ASPH: variants seen among roughly 807,000 people sequenced by gnomAD.
ASPH encodes the protein aspartate beta-hydroxylase.
In ASPH, 100 loss-of-function variants were observed where a neutral mutation model predicts 118.4. The observed-to-expected ratio is 0.84, with a 90% CI of 0.72 to 1.00. The LOEUF is 1.00. Ranked by LOEUF, ASPH falls within the 50% of genes least tolerant of loss-of-function variation. The pLI is 0.00. For missense variants in ASPH, 920 were observed against 919.5 expected, an observed-to-expected ratio of 1.00 and a Z score of -0.01; for synonymous variants, 315 against 325.6, an observed-to-expected ratio of 0.97 and a Z score of 0.35.
chr8:61,713,544 G>C (rs932525693), intron 1 of ASPH, among the ~76,000 whole-genome samples: 1 of 152,110 alleles, frequency 6.6e-6, no homozygotes, highest in Non-Finnish European at 1.5e-5. Flanking sequence ...AAGAAACCAA[G>C]AATCACTGAA....
chr8:61,690,417 AG>A (rs1325210949), intron 1 of ASPH, among the ~76,000 whole-genome samples: 2 of 152,234 alleles, frequency 1.3e-5, no homozygotes, highest in Non-Finnish European at 2.9e-5. Flanking sequence ...GGAGAGGGAA[AG>A]AAAAATCTTC....
At chr8:61,562,949 T>C (rs1221813525) in intron 17 of ASPH, 69 bp from the exon 18 acceptor site, 1 of 1,440,338 alleles carries the variant, frequency 6.9e-7, no homozygotes, top group African/African-American at 1.5e-5. Context: ...ATTGAGAATG[T>C]AAGTCATGAG....
chr8:61,694,223 C>T (rs148850339), intron 1 of ASPH, among the ~76,000 whole-genome samples: 7 of 152,258 alleles, frequency 4.6e-5, no homozygotes, highest in African/African-American at 9.6e-5. Flanking sequence ...GCATCCATTC[C>T]GAGTTTCTCC....
intron 14 of ASPH, chr8:61,606,548 C>T (rs1845621402): frequency 6.6e-6 from 1 of 152,056 alleles, no homozygotes; most frequent in Non-Finnish European, 1.5e-5. Flanking sequence ...AGCTGGCCCA[C>T]CCCAAAGGTT....
intron 15 of ASPH, chr8:61,583,262 ATT>A (rs1838160053): frequency 1.3e-5 from 2 of 151,764 alleles, no homozygotes; most frequent in African/African-American, 4.8e-5. Flanking sequence ...TATTATTATT[ATT>A]ATTATTATTA....
intron 3 of ASPH, among the ~76,000 whole-genome samples, chr8:61,667,610 C>T (rs60657077): frequency 0.052 from 7,984 of 152,232 alleles, 670 homozygotes; most frequent in African/African-American, 0.17. Context: ...CGTGATCCAC[C>T]CGCCTCAGCT....
At chr8:61,651,738 T>G (rs1811102506) in intron 4 of ASPH, among the ~76,000 whole-genome samples, 1 of 152,218 alleles carries the variant, frequency 6.6e-6, no homozygotes, top group Non-Finnish European at 1.5e-5. Flanking sequence ...GATCCATAAA[T>G]TCAAATAAAT....
intron 13 of ASPH, among the ~76,000 whole-genome samples, chr8:61,622,321 G>T (rs927002814): frequency 2.0e-5 from 3 of 152,162 alleles, no homozygotes; most frequent in African/African-American, 7.2e-5. Flanking sequence ...CTGGTGACAG[G>T]GCGAGACTCT....
At chr8:61,577,417 A>AAAAAAAAAAAAC (rs1835654166) in intron 15 of ASPH, among the ~76,000 whole-genome samples, 2 of 149,484 alleles carry the variant, frequency 1.3e-5, no homozygotes, top group Non-Finnish European at 1.5e-5. Flanking sequence ...AAAAAAAAAA[A>AAAAAAAAAAAAC]AAAAAAGACA....
At chr8:61,692,136 A>G (rs1832793208) in intron 1 of ASPH, among the ~76,000 whole-genome samples, 1 of 152,218 alleles carries the variant, frequency 6.6e-6, no homozygotes, top group Non-Finnish European at 1.5e-5. Context: ...GCAATAATTG[A>G]ATAGTTATTT....
At chr8:61,549,438 C>T (rs1444912378) in intron 20 of ASPH, among the ~76,000 whole-genome samples, 1 of 152,266 alleles carries the variant, frequency 6.6e-6, no homozygotes, top group African/African-American at 2.4e-5. Context: ...TACTCTCCTC[C>T]TATTTATATC....
intron 14 of ASPH, among the ~76,000 whole-genome samples, chr8:61,585,012 G>T (rs1838932847): frequency 6.6e-6 from 1 of 152,182 alleles, no homozygotes; most frequent in South Asian, 2.1e-4. Flanking sequence ...CTGTTTTGTG[G>T]TCCTTCCCCA....
chr8:61,576,629 T>C (rs1397182022), intron 16 of ASPH, 143 bp downstream of exon 16: 13 of 624,120 alleles, frequency 2.1e-5, no homozygotes, highest in Admixed American at 1.3e-4. Flanking sequence ...ATAGTGATAA[T>C]TGTATTTCTT....
At chr8:61,624,581 C>T (rs557156340) in intron 13 of ASPH, 3 of 982,814 alleles carry the variant, frequency 3.1e-6, no homozygotes, top group Non-Finnish European at 3.6e-6. Context: ...TAATAGAAGA[C>T]ATTTACATTA....
intron 3 of ASPH, chr8:61,660,663 AATCCATGATTTTTGTCC>A (rs1209894381): frequency 6.6e-6 from 1 of 152,230 alleles, no homozygotes; most frequent in Non-Finnish European, 1.5e-5. Context: ...TATGTGAGCC[AATCCATGATTTTTGTCC>A]ATGTAAGGTA....
At chr8:61,622,683 C>G (rs535286569) in intron 13 of ASPH, among the ~76,000 whole-genome samples, 200 of 152,326 alleles carry the variant, frequency 1.3e-3, no homozygotes, top group African/African-American at 4.6e-3. Flanking sequence ...TGGCCTCCCT[C>G]CAATGGCTTC....
chr8:61,552,692 A>T (rs964268747), intron 20 of ASPH, among the ~76,000 whole-genome samples: 6 of 152,208 alleles, frequency 3.9e-5, no homozygotes, highest in Non-Finnish European at 8.8e-5. Context: ...ATACTTTTCC[A>T]AGGCAATTTC....
At chr8:61,620,665 C>G (rs140778979) in intron 13 of ASPH, among the ~76,000 whole-genome samples, 2 of 152,164 alleles carry the variant, frequency 1.3e-5, no homozygotes, top group African/African-American at 4.8e-5. Flanking sequence ...ATCGGAGATA[C>G]AGCAATGAAG....
At chr8:61,672,535 A>C (rs1823125893) in intron 3 of ASPH, among the ~76,000 whole-genome samples, 1 of 151,854 alleles carries the variant, frequency 6.6e-6, no homozygotes, top group Admixed American at 6.6e-5. Flanking sequence ...AAAAAAAAAA[A>C]CTCAGTATTT....
Sources: gnomAD v4.1 joint callset for allele counts (sites outside exome capture counted in the v4.1 genomes callset) on GRCh38, gnomAD v4.1.1 for gene constraint, MANE v1.5 for transcripts, NCBI Gene and HGNC (gene_info 2026-07-23, HGNC 2026-07-21) for gene names.